Variants in INPP4B observed in about 807,000 individuals in gnomAD.
INPP4B encodes inositol polyphosphate-4-phosphatase type II B.
Under a neutral mutation model 122.5 loss-of-function variants are expected in INPP4B, and 55 were observed. The ratio of observed to expected loss-of-function variants is 0.45; its 90% CI spans 0.36 to 0.56. The LOEUF is 0.56. INPP4B is among the 20% of genes least tolerant of loss of function. The probability of loss-of-function intolerance (pLI) is 0.00; values close to 1 mark genes in which losing one functional copy is unlikely to be tolerated. For missense variants in INPP4B, 1,000 were observed against 1,097.7 expected, an observed-to-expected ratio of 0.91 and a Z score of 1.26; for synonymous variants, 403 against 388.7, an observed-to-expected ratio of 1.04 and a Z score of -0.43.
intron 2 of INPP4B, among the ~76,000 whole-genome samples, chr4:142,673,200 T>G (rs924321215): frequency 7.9e-5 from 12 of 152,194 alleles, no homozygotes; most frequent in African/African-American, 2.9e-4. Flanking sequence ...AAAATATTAT[T>G]GTGGCTATTT....
intron 11 of INPP4B, among the ~76,000 whole-genome samples, chr4:142,241,966 G>A (rs891234401): frequency 6.6e-6 from 1 of 152,120 alleles, no homozygotes; most frequent in African/African-American, 2.4e-5. Flanking sequence ...ATTGGCTTCA[G>A]GCAGTACATT....
intron 5 of INPP4B, chr4:142,425,150 CA>C (rs1471158015): frequency 2.6e-5 from 4 of 151,972 alleles, no homozygotes; most frequent in African/African-American, 9.7e-5. Flanking sequence ...CCACAAAAGG[CA>C]AAAGATCTAA....
At chr4:142,202,874 A>C (rs1212063847) in intron 14 of INPP4B, 1 of 587,698 alleles carries the variant, frequency 1.7e-6, no homozygotes, top group East Asian at 1.4e-4. Flanking sequence ...GTGGGCTCAA[A>C]TCAGGAACTG....
chr4:142,366,266 C>G (rs1787433709), intron 7 of INPP4B, among the ~76,000 whole-genome samples: 1 of 151,944 alleles, frequency 6.6e-6, no homozygotes, highest in Non-Finnish European at 1.5e-5. Context: ...AATCCACCAC[C>G]CTTTGCTGAC....
chr4:142,428,882 A>G (rs1298788186), intron 5 of INPP4B, among the ~76,000 whole-genome samples: 3 of 152,034 alleles, frequency 2.0e-5, no homozygotes, highest in Admixed American at 6.6e-5. Context: ...AATGCTGGTT[A>G]GCAACAAAAT....
intron 15 of INPP4B, among the ~76,000 whole-genome samples, chr4:142,181,207 C>T (rs1437941108): frequency 1.3e-5 from 2 of 152,164 alleles, no homozygotes; most frequent in Admixed American, 6.5e-5. Context: ...TGCTTACTAA[C>T]CACTCTGCAT....
intron 2 of INPP4B, among the ~76,000 whole-genome samples, chr4:142,617,282 A>G (rs1743918257): frequency 1.3e-5 from 2 of 152,010 alleles, no homozygotes; most frequent in Non-Finnish European, 2.9e-5. Flanking sequence ...ACACACAAAA[A>G]AGGCAGATCT....
Position 142,429,199 on chromosome 4 carries a change from T to C in INPP4B, c.110A>G (p.Asn37Ser). Reference sequence around the variant, plus strand: ...AAGGATGAATTCCAACTGCGGTTCATTTGGAGTCTTCTGGATACCTATAAA... The same window carrying C: ...AAGGATGAATTCCAACTGCGGTTCACTTGGAGTCTTCTGGATACCTATAAA... ...CQFTSIQKTP[N>S]EPQLEFILAC... Residue 37 changes from asparagine (N) to serine (S), a missense_variant, in exon 5 of 26, where the codon AAT (asparagine) becomes AGT (serine). Physicochemically the swap from Asn to Ser is conservative, Grantham distance 46. Coordinates refer to ENST00000262992, the MANE Select transcript of INPP4B (RefSeq NM_001101669.3). The C allele has an allele frequency of 6.4e-7, 1 of 1,566,084 alleles. No individual in the cohort carries two copies. The highest frequency in any genetic ancestry group is 8.8e-7 in the Non-Finnish European group (1 of 1,141,474).
chr4:142,834,926 T>C (rs1256809947), intron 1 of INPP4B, among the ~76,000 whole-genome samples: 1 of 152,210 alleles, frequency 6.6e-6, no homozygotes, highest in African/African-American at 2.4e-5. Context: ...GCATGGAAAT[T>C]CGAGAATCTT....
intron 25 of INPP4B, among the ~76,000 whole-genome samples, chr4:142,079,822 G>T (rs147150879): frequency 2.0e-3 from 310 of 152,094 alleles, no homozygotes; most frequent in Non-Finnish European, 3.9e-3. Context: ...TACAAGAGCT[G>T]CCAGGACACT....
At chr4:142,245,681 G>A (rs1327156305) in intron 11 of INPP4B, among the ~76,000 whole-genome samples, 1 of 151,776 alleles carries the variant, frequency 6.6e-6, no homozygotes, top group Non-Finnish European at 1.5e-5. Context: ...CTCTTTGCTT[G>A]TTTGTGTCAG....
chr4:142,474,678 T>C lies in INPP4B; in HGVS notation c.-190-11952A>G, dbSNP rs544281901. On this transcript the variant is annotated intron_variant, in intron 2 of 25. Coordinates refer to ENST00000262992, the MANE Select transcript of INPP4B (RefSeq NM_001101669.3). ...ACTCCTGCTGCTGGTAGCCAGGCAG[T>C]CAACGCCTACTAGAGCTTCCAGCCC... 5.3e-4 allele frequency among the ~76,000 whole-genome samples: 80 copies of C among 151,844 alleles called. No homozygotes were observed. In the Middle Eastern group the frequency reaches 0.01, roughly 20 times the overall value.
At chr4:142,625,301 A>G (rs572137890) in intron 2 of INPP4B, among the ~76,000 whole-genome samples, 3 of 152,296 alleles carry the variant, frequency 2.0e-5, no homozygotes, top group East Asian at 3.9e-4. Context: ...ATAAAAAATC[A>G]ATGTACAAAA....
At chr4:142,709,052 A>G (rs933082208) in intron 2 of INPP4B, among the ~76,000 whole-genome samples, 1 of 152,120 alleles carries the variant, frequency 6.6e-6, no homozygotes, top group Non-Finnish European at 1.5e-5. Context: ...TGAGACATGG[A>G]GTCAAATGAG....
intron 18 of INPP4B, among the ~76,000 whole-genome samples, chr4:142,139,034 G>A (rs904474579): frequency 4.6e-5 from 7 of 151,844 alleles, no homozygotes; most frequent in African/African-American, 1.5e-4. Context: ...CTTTTATCTT[G>A]TAAGTGATGC....
chr4:142,837,269 A>G (rs1432344040), intron 1 of INPP4B, among the ~76,000 whole-genome samples: 2 of 152,146 alleles, frequency 1.3e-5, no homozygotes, highest in Non-Finnish European at 2.9e-5. Flanking sequence ...AAAAATACAC[A>G]TTTCAAAAAT....
At chr4:142,654,247 G>A (rs1178635933) in intron 2 of INPP4B, among the ~76,000 whole-genome samples, 1 of 150,592 alleles carries the variant, frequency 6.6e-6, no homozygotes, top group African/African-American at 2.4e-5. Context: ...GGAAGGGATA[G>A]AATTAGGAGA....
chr4:142,720,801 C>CTA (rs1323800095), intron 2 of INPP4B, among the ~76,000 whole-genome samples: 203 of 22,286 alleles, frequency 9.1e-3, no homozygotes, highest in Non-Finnish European at 9.4e-3. Flanking sequence ...CTCTCTCTCT[C>CTA]TCTCTCTCTA....
chr4:142,036,492 A>T (rs1407363017), intron 25 of INPP4B, among the ~76,000 whole-genome samples: 1 of 152,206 alleles, frequency 6.6e-6, no homozygotes, highest in East Asian at 1.9e-4. Context: ...TAGAGCATTC[A>T]AAAGTCTGAA....
Sources: gnomAD v4.1 joint callset for allele counts (sites outside exome capture counted in the v4.1 genomes callset) on GRCh38, gnomAD v4.1.1 for gene constraint, MANE v1.5 for transcripts, NCBI Gene and HGNC (gene_info 2026-07-23, HGNC 2026-07-21) for gene names.